Variants in RALGAPA1 observed in about 807,000 individuals in gnomAD.
RALGAPA1 encodes the protein Ral GTPase activating protein catalytic subunit alpha 1, also known as ral GTPase-activating protein subunit alpha-1.
RALGAPA1 carries 52 observed loss-of-function variants against 269.6 expected under a neutral mutation model. That is an observed-to-expected ratio of 0.19 (90% CI 0.15 to 0.24). RALGAPA1 has a LOEUF of 0.24. RALGAPA1 is among the 10% of genes least tolerant of loss of function. The pLI is 1.00. For synonymous variants in RALGAPA1, 817 were observed against 1,008.3 expected (o/e 0.81, Z 3.60); for missense variants, 1,917 against 3,013.9 (o/e 0.64, Z 8.52).
intron 2 of RALGAPA1, among the ~76,000 whole-genome samples, chr14:35,775,382 A>G (rs549161618): frequency 9.2e-5 from 14 of 152,316 alleles, no homozygotes; most frequent in African/African-American, 3.4e-4. Context: ...AGAAGGCACA[A>G]TGAGGGAACA....
At chr14:35,613,524 C>A (rs2139354148) in intron 35 of RALGAPA1, among the ~76,000 whole-genome samples, 1 of 152,288 alleles carries the variant, frequency 6.6e-6, no homozygotes, top group South Asian at 2.1e-4. Context: ...GAAATCAAGG[C>A]ATAGACAGGG....
rs774509181 is a variant in RALGAPA1 at position 35,627,052 on chromosome 14, A to AG, written c.6857+37_6857+38insC. Reference sequence around the variant, plus strand: ...TTATCAGAAGATGAATAAGACCGAAAAAAAAAAAAAAAGAAAAAATTTCTC... The same window carrying AG: ...TTATCAGAAGATGAATAAGACCGAAAGAAAAAAAAAAAAGAAAAAATTTCTC... On this transcript the variant is annotated intron_variant, in intron 34 of 41. Coordinates refer to ENST00000680220, the MANE Select transcript of RALGAPA1 (RefSeq NM_001346249.2). 5.0e-6 allele frequency: 7 copies of AG among 1,411,980 alleles called. No homozygotes were observed. In the Admixed American group the frequency reaches 1.9e-4, roughly 39 times the overall value. The allele number at this position is 1,411,980 out of a possible 1,614,324, so 87.5% of individuals were successfully genotyped here.
chr14:35,802,767 G>A (rs555822259), intron 1 of RALGAPA1, among the ~76,000 whole-genome samples: 5 of 150,556 alleles, frequency 3.3e-5, no homozygotes, highest in Non-Finnish European at 5.9e-5. Context: ...TTGCAACCTC[G>A]ACCTCCCAGG....
chr14:35,583,088 C>G (rs766669350), intron 37 of RALGAPA1, among the ~76,000 whole-genome samples: 32 of 152,130 alleles, frequency 2.1e-4, no homozygotes, highest in African/African-American at 7.5e-4. Flanking sequence ...TCTAAAGAGA[C>G]TGAACAAGCA....
At chr14:35,672,008 T>G (rs2064492948) in intron 25 of RALGAPA1, among the ~76,000 whole-genome samples, 1 of 152,192 alleles carries the variant, frequency 6.6e-6, no homozygotes, top group Non-Finnish European at 1.5e-5. Flanking sequence ...AAGGGAATGT[T>G]CCTAACTTCA....
intron 11 of RALGAPA1, among the ~76,000 whole-genome samples, chr14:35,740,191 C>A (rs1454037005): frequency 6.6e-6 from 1 of 152,084 alleles, no homozygotes; most frequent in Non-Finnish European, 1.5e-5. Flanking sequence ...ATAGCAGTAA[C>A]ACTGTTTTAT....
chr14:35,582,664 T>C (rs958558767), intron 37 of RALGAPA1, among the ~76,000 whole-genome samples: 7 of 152,194 alleles, frequency 4.6e-5, no homozygotes, highest in Non-Finnish European at 8.8e-5. Context: ...CCAAGAGCTC[T>C]ACCAGGTCCT....
At chr14:35,748,907 T>C in intron 9 of RALGAPA1, 83 bp from the exon 10 acceptor site, 1 of 1,430,156 alleles carries the variant, frequency 7.0e-7, no homozygotes, top group Non-Finnish European at 9.1e-7. Context: ...TAGGTAATAC[T>C]GACAAAATCC....
At chr14:35,557,112 G>GTGTGTA (rs1171397777) in intron 39 of RALGAPA1, among the ~76,000 whole-genome samples, 1 of 149,366 alleles carries the variant, frequency 6.7e-6, no homozygotes, top group Non-Finnish European at 1.5e-5. Flanking sequence ...GTGTGTGTGT[G>GTGTGTA]TGTGTGTGTG....
chr14:35,594,814 G>A (rs1020530498), intron 37 of RALGAPA1, among the ~76,000 whole-genome samples: 19 of 151,702 alleles, frequency 1.3e-4, no homozygotes, highest in African/African-American at 4.4e-4. Context: ...TATACTCAAA[G>A]GAAATGAAAT....
chr14:35,624,018 C>T (rs1315089424), intron 35 of RALGAPA1, among the ~76,000 whole-genome samples: 7 of 150,878 alleles, frequency 4.6e-5, no homozygotes, highest in Admixed American at 1.3e-4. Context: ...ACCCGGGAGG[C>T]GGAGGTTGCA....
rs570124886 is a variant in RALGAPA1, at chr14:35,621,020, T to C, written c.6929+4341A>G. Among the ~76,000 whole-genome samples the C allele has an allele frequency of 2.1e-3, 321 of 152,226 alleles. 1 individual carries two copies. Among genetic ancestry groups the C allele is most frequent in the African/African-American group, 7.3e-3 (302 of 41,522 alleles). ...GAATTGGAAAAAAACTGCTTTAAAG[T>C]TCATATGGAACCAAAAAAGAGCCCA... On this transcript the variant is annotated intron_variant, in intron 35 of 41. Coordinates refer to ENST00000680220, the MANE Select transcript of RALGAPA1 (RefSeq NM_001346249.2).
At chr14:35,619,093 A>G (rs1044897092) in intron 35 of RALGAPA1, among the ~76,000 whole-genome samples, 1 of 152,148 alleles carries the variant, frequency 6.6e-6, no homozygotes, top group Non-Finnish European at 1.5e-5. Flanking sequence ...GCAGTGAGGA[A>G]GAAGACTTGG....
chr14:35,797,758 T>G (rs532019493), intron 1 of RALGAPA1, among the ~76,000 whole-genome samples: 1 of 150,660 alleles, frequency 6.6e-6, no homozygotes, highest in Non-Finnish European at 1.5e-5. Context: ...GGCAGGAGAA[T>G]TGCTTGAACC....
At chr14:35,760,803 G>A in intron 6 of RALGAPA1, 26 bp downstream of exon 6, 1 of 1,581,922 alleles carries the variant, frequency 6.3e-7, no homozygotes, top group Non-Finnish European at 8.7e-7. Flanking sequence ...TAAACCTACT[G>A]ACGGATAACA....
intron 17 of RALGAPA1, among the ~76,000 whole-genome samples, chr14:35,691,808 T>G (rs2066505020): frequency 6.6e-6 from 1 of 152,182 alleles, no homozygotes; most frequent in African/African-American, 2.4e-5. Flanking sequence ...ACTAGTAGGC[T>G]CTCAACATAG....
At chr14:35,686,178 G>A (rs2065912236) in intron 19 of RALGAPA1, among the ~76,000 whole-genome samples, 1 of 150,964 alleles carries the variant, frequency 6.6e-6, no homozygotes, top group Admixed American at 6.6e-5. Context: ...ACGGGAGCTG[G>A]GGCAGAAGAC....
intron 24 of RALGAPA1, 61 bp downstream of exon 24, chr14:35,674,119 A>G: frequency 7.6e-7 from 1 of 1,313,446 alleles, no homozygotes; most frequent in Non-Finnish European, 1.1e-6. Context: ...AAATCTCTAT[A>G]AAAAGTTTAA....
chr14:35,641,954 G>T (rs2062058806), intron 31 of RALGAPA1, among the ~76,000 whole-genome samples: 2 of 152,040 alleles, frequency 1.3e-5, no homozygotes, highest in African/African-American at 4.8e-5. Flanking sequence ...TACATCTACA[G>T]TGAAGTCATT....
Sources: allele counts gnomAD v4.1 joint callset (sites outside exome capture counted in the v4.1 genomes callset), GRCh38; gene constraint gnomAD v4.1.1; transcripts MANE v1.5; gene names NCBI Gene and HGNC (gene_info 2026-07-23, HGNC 2026-07-21).